Variants in PTPRG observed in about 807,000 individuals in gnomAD.
PTPRG encodes receptor-type tyrosine-protein phosphatase gamma.
A neutral mutation model predicts 165.3 loss-of-function variants in PTPRG; 102 were observed. The observed-to-expected ratio is 0.62, with a 90% confidence interval of 0.53 to 0.73. The LOEUF (loss-of-function observed/expected upper bound fraction) is 0.73. Ranked by LOEUF, PTPRG falls within the 30% of genes least tolerant of loss-of-function variation. The pLI, the probability that PTPRG is intolerant of heterozygous loss-of-function variation, is 0.00. For synonymous variants in PTPRG, 675 were observed against 669.5 expected, an observed-to-expected ratio of 1.01 and a Z score of -0.13; for missense variants, 1,866 against 1,861.4, an observed-to-expected ratio of 1.00 and a Z score of -0.05.
At chr3:62,088,488 C>G (rs1701824137) in intron 5 of PTPRG, among the ~76,000 whole-genome samples, 1 of 152,192 alleles carries the variant, frequency 6.6e-6, no homozygotes, top group South Asian at 2.1e-4. Flanking sequence ...AACTGGGATT[C>G]CAACATAAGG....
intron 2 of PTPRG, among the ~76,000 whole-genome samples, chr3:61,834,592 A>G (rs1327728381): frequency 6.6e-6 from 1 of 152,176 alleles, no homozygotes; most frequent in East Asian, 1.9e-4. Flanking sequence ...AGGCAGGTGG[A>G]TCAGGAGGTC....
At chr3:61,759,529 G>A (rs951548375) in intron 2 of PTPRG, among the ~76,000 whole-genome samples, 3 of 151,712 alleles carry the variant, frequency 2.0e-5, no homozygotes, top group Admixed American at 2.0e-4. Context: ...GGTAGCTCAC[G>A]CCTGTAAGTC....
Position 62,203,908 on chromosome 3 carries a change from GA to G in PTPRG, c.2114del (p.Asp705AlafsTer22). The G allele has an allele frequency of 6.3e-7, 1 of 1,599,630 alleles. No homozygotes were observed. The highest frequency in any genetic ancestry group is 8.5e-7 in the Non-Finnish European group (1 of 1,172,402). ...MPSKKPMSRG[D>X]RFSEDSRFIT... ...ATCTAAAAAGCCTATGTCCCGCGGG[GA>G]CCGATTTTCTGAAGACAGCAGATTT... is the stretch of plus-strand genomic sequence containing the variant. On this transcript the variant is annotated frameshift_variant, in exon 12 of 30. Coordinates refer to ENST00000474889, the MANE Select transcript of PTPRG (RefSeq NM_002841.4). LOFTEE classifies it high-confidence loss of function. This position sits in a 1 kb window ranked among gnomAD's most constrained non-coding sequence, Gnocchi z 6.4.
chr3:61,743,590 G>T (rs375469906), intron 1 of PTPRG, among the ~76,000 whole-genome samples: 1 of 152,180 alleles, frequency 6.6e-6, no homozygotes, highest in Non-Finnish European at 1.5e-5. Flanking sequence ...AGCATATACT[G>T]CTGGGCTTCT....
At chr3:61,833,067 T>TTTG (rs1553678350) in intron 2 of PTPRG, among the ~76,000 whole-genome samples, 8 of 146,896 alleles carry the variant, frequency 5.4e-5, no homozygotes, top group African/African-American at 1.8e-4. Flanking sequence ...TAGTATTCCA[T>TTTG]TGTGTGTGTG....
intron 2 of PTPRG, among the ~76,000 whole-genome samples, chr3:61,807,640 A>T (rs1039040371): frequency 6.6e-6 from 1 of 152,238 alleles, no homozygotes; most frequent in African/African-American, 2.4e-5. Context: ...AGAAAATAAC[A>T]TATATACACA....
chr3:62,084,784 T>C (rs577437786), intron 5 of PTPRG, among the ~76,000 whole-genome samples: 35 of 152,180 alleles, frequency 2.3e-4, no homozygotes, highest in Non-Finnish European at 4.7e-4. Flanking sequence ...TAGCATTCCA[T>C]CTTGTATTAA....
intron 2 of PTPRG, among the ~76,000 whole-genome samples, chr3:61,954,911 TTTGA>T (rs1156697405): frequency 2.6e-5 from 4 of 152,150 alleles, no homozygotes; most frequent in African/African-American, 4.8e-5. Context: ...TGCATGTGAG[TTTGA>T]TTGAACAGTA....
At position 61,895,104 on chromosome 3, in the gene PTPRG, A is replaced by T. The variant is rs138595107; in HGVS notation, c.191-94521A>T. Among the ~76,000 whole-genome samples the T allele has an allele frequency of 7.6e-3, 1,154 of 152,334 alleles. 11 individuals are homozygous for T. Among genetic ancestry groups the T allele is most frequent in the African/African-American group, 0.025 (1,060 of 41,588 alleles). ...GGATCCCTGATGAGAATCACTCCTC[A>T]GCAGGAAGAAGACAGCAGTAAATTA... On this transcript the variant is annotated intron_variant, in intron 2 of 29. Transcript: ENST00000474889.
At chr3:61,981,035 A>G (rs1414810521) in intron 2 of PTPRG, among the ~76,000 whole-genome samples, 1 of 152,228 alleles carries the variant, frequency 6.6e-6, no homozygotes, top group Admixed American at 6.5e-5. Flanking sequence ...TATAAAGAAA[A>G]GAGGTTCAAT....
In PTPRG at chr3:62,022,150, G is replaced by A. The variant is rs191611247; in HGVS notation, c.519+18653G>A. 1.3e-3 allele frequency among the ~76,000 whole-genome samples: 191 copies of A among 152,252 alleles called. 1 individual carries two copies. Among genetic ancestry groups the A allele is most frequent in the African/African-American group, 4.3e-3 (179 of 41,566 alleles). On this transcript the variant is annotated intron_variant, in intron 4 of 29. Transcript: ENST00000474889. ...ACTATTCCGCCAGAATCCTATGGGCGGGTACCATTGCTGTCTCATTAATTT... is the reference window on the plus strand; with the variant it reads ...ACTATTCCGCCAGAATCCTATGGGCAGGTACCATTGCTGTCTCATTAATTT...
chr3:62,185,611 C>T (rs1705847162), intron 8 of PTPRG, among the ~76,000 whole-genome samples: 1 of 152,142 alleles, frequency 6.6e-6, no homozygotes, highest in Non-Finnish European at 1.5e-5. Flanking sequence ...AAATTGAGTA[C>T]ACACTCCCAT....
intron 1 of PTPRG, among the ~76,000 whole-genome samples, chr3:61,718,324 A>T (rs568377852): frequency 6.6e-5 from 10 of 151,876 alleles, no homozygotes; most frequent in Admixed American, 2.0e-4. Context: ...AATTCATTTT[A>T]TATTCTTAGC....
intron 2 of PTPRG, among the ~76,000 whole-genome samples, chr3:61,911,091 AG>A (rs2038791807): frequency 6.6e-6 from 1 of 152,182 alleles, no homozygotes; most frequent in Non-Finnish European, 1.5e-5. Flanking sequence ...TAGTGTCTTT[AG>A]GAAAGCCCCT....
intron 12 of PTPRG, among the ~76,000 whole-genome samples, chr3:62,209,821 A>T (rs933336003): frequency 6.6e-6 from 1 of 151,948 alleles, no homozygotes; most frequent in African/African-American, 2.4e-5. Flanking sequence ...GGTAAATCTC[A>T]TGGTATGGAA....
intron 1 of PTPRG, among the ~76,000 whole-genome samples, chr3:61,663,826 C>T (rs532075379): frequency 1.3e-5 from 2 of 152,034 alleles, no homozygotes; most frequent in Non-Finnish European, 2.9e-5. Flanking sequence ...ATTTTTGCTC[C>T]TATGAGAATC....
intron 1 of PTPRG, among the ~76,000 whole-genome samples, chr3:61,706,241 A>G (rs920412633): frequency 2.0e-5 from 3 of 152,202 alleles, no homozygotes; most frequent in African/African-American, 7.2e-5. Context: ...AATGTACAGA[A>G]TACAACTGGG....
At chr3:62,028,175 C>A (rs991918495) in intron 4 of PTPRG, among the ~76,000 whole-genome samples, 4 of 152,120 alleles carry the variant, frequency 2.6e-5, no homozygotes, top group African/African-American at 9.7e-5. Flanking sequence ...AAAGGAGAGC[C>A]ACTTTTAAAG....
chr3:62,221,196 T>A (rs1266702351), intron 13 of PTPRG, among the ~76,000 whole-genome samples: 1 of 152,234 alleles, frequency 6.6e-6, no homozygotes, highest in Non-Finnish European at 1.5e-5. Context: ...AATAATATCT[T>A]AATATTTCCT....
Sources: allele counts gnomAD v4.1 joint callset (sites outside exome capture counted in the v4.1 genomes callset), GRCh38; gene constraint gnomAD v4.1.1; non-coding constraint Gnocchi (gnomAD v3.1); transcripts MANE v1.5; gene names NCBI Gene and HGNC (gene_info 2026-07-23, HGNC 2026-07-21).